CNTN1: variants seen among roughly 807,000 people sequenced by gnomAD.
The protein encoded by CNTN1 is contactin-1.
In CNTN1, 38 loss-of-function variants were observed where a neutral mutation model predicts 126.4. The observed-to-expected ratio is 0.30, with a 90% CI of 0.23 to 0.39. CNTN1 has a LOEUF of 0.39. CNTN1 is among the 10% of genes least tolerant of loss of function. The pLI is 1.00. For missense variants in CNTN1, 1,009 were observed against 1,248.4 expected (o/e 0.81, Z 2.89); for synonymous variants, 413 against 422.6 (o/e 0.98, Z 0.28).
intron 23 of CNTN1, among the ~76,000 whole-genome samples, chr12:41,056,340 CAGCTGGTTA>C (rs1949801165): frequency 6.6e-6 from 1 of 152,112 alleles, no homozygotes; most frequent in South Asian, 2.1e-4. Context: ...CAAAGTCCTA[CAGCTGGTTA>C]AGCTAGGAGC....
chr12:40,929,961 G>A lies in CNTN1; in HGVS notation c.662G>A (p.Ser221Asn), dbSNP rs1945826512. The part of the protein sequence containing the change: ...CFVSSPSITK[S>N]VFSKFIPLIP... Reference sequence around the variant, plus strand: ...GTTTCCAGTCCTTCTATTACAAAGAGCGTGTTCAGCAAATTCATCCCACTC... The same window carrying A: ...GTTTCCAGTCCTTCTATTACAAAGAACGTGTTCAGCAAATTCATCCCACTC... The change falls in exon 7 of 24, where the codon AGC (serine) becomes AAC (asparagine). Residue 221 changes from serine (S) to asparagine (N), a missense_variant. By Grantham distance (46) the Ser-to-Asn change is conservative (BLOSUM62 1). Transcript: ENST00000551295. The A allele has an allele frequency of 6.2e-7, 1 of 1,612,644 alleles. No homozygotes were observed.
intron 23 of CNTN1, among the ~76,000 whole-genome samples, chr12:41,064,787 A>AGATG (rs1315115887): frequency 3.3e-5 from 5 of 151,164 alleles, no homozygotes; most frequent in Non-Finnish European, 7.4e-5. Context: ...ATAGATAGAT[A>AGATG]GATAGATAGA....
At chr12:41,024,986 C>G (rs1251436359) in intron 20 of CNTN1, among the ~76,000 whole-genome samples, 164 bp from the exon 21 acceptor site, 1 of 151,876 alleles carries the variant, frequency 6.6e-6, no homozygotes, top group African/African-American at 2.4e-5. Context: ...GCCCTGTATG[C>G]TTTACTATAT....
chr12:40,893,960 C>A (rs1370981045), intron 1 of CNTN1, among the ~76,000 whole-genome samples: 4 of 152,084 alleles, frequency 2.6e-5, no homozygotes, highest in African/African-American at 7.2e-5. Context: ...CATCAAAACT[C>A]AAGTTCCCCT....
chr12:40,857,216 A>T lies in CNTN1; in HGVS notation c.-76-51141A>T, dbSNP rs1942943289. On this transcript the variant is annotated intron_variant, in intron 1 of 23. Coordinates refer to ENST00000551295, the MANE Select transcript of CNTN1 (RefSeq NM_001843.4). Reference sequence around the variant, plus strand: ...TGATGCTGAAGGTTGGTGCTGGTAGACTTAGAGTCAATTTTAATAACAAAT... The same window carrying T: ...TGATGCTGAAGGTTGGTGCTGGTAGTCTTAGAGTCAATTTTAATAACAAAT... Among the ~76,000 whole-genome samples, 6 of 151,868 alleles carry T rather than the reference A, an allele frequency of 4.0e-5. No homozygotes were observed. In the South Asian group the frequency reaches 1.3e-3, roughly 32 times the overall value.
In CNTN1 at chr12:40,993,173, C is replaced by T. The variant is rs1259824401; in HGVS notation, c.2017C>T (p.Pro673Ser). Residue 673 changes from proline to serine, a missense_variant, in exon 17 of 24, where the codon CCA becomes TCA. Transcript: ENST00000551295. Reference protein sequence around the residue: ...MEAARAVDLIPWMEYEFRVVA... With the variant: ...MEAARAVDLISWMEYEFRVVA... ...GGCAGCAAGAGCAGTGGACTTAATC[C>T]CATGGATGGAGTATGAATTCCGCGT... is the stretch of plus-strand genomic sequence containing the variant. 3 of 1,613,604 alleles carry T rather than the reference C, an allele frequency of 1.9e-6. No individual in the cohort carries two copies. The highest frequency in any genetic ancestry group is 2.5e-6 in the Non-Finnish European group (3 of 1,179,624).
intron 1 of CNTN1, among the ~76,000 whole-genome samples, chr12:40,902,533 C>T (rs1401565909): frequency 1.3e-5 from 2 of 151,964 alleles, no homozygotes; most frequent in Non-Finnish European, 2.9e-5. Context: ...AATAGAGGTA[C>T]AATTTATGGA....
intron 1 of CNTN1, among the ~76,000 whole-genome samples, chr12:40,742,834 T>G (rs977245503): frequency 6.6e-6 from 1 of 152,036 alleles, no homozygotes; most frequent in Non-Finnish European, 1.5e-5. Context: ...AGGCACTGAG[T>G]GAAGCATTAG....
At chr12:40,940,810 T>C (rs950911837) in intron 12 of CNTN1, among the ~76,000 whole-genome samples, 1 of 152,128 alleles carries the variant, frequency 6.6e-6, no homozygotes, top group Non-Finnish European at 1.5e-5. Flanking sequence ...AAAATGATAC[T>C]ACAAGAAGGG....
chr12:40,948,967 G>A (rs1292098978), intron 14 of CNTN1, among the ~76,000 whole-genome samples: 1 of 152,140 alleles, frequency 6.6e-6, no homozygotes, highest in Non-Finnish European at 1.5e-5. Flanking sequence ...ATGTGGGTGT[G>A]CATTTTTTCT....
chr12:40,698,229 T>A (rs35252624), intron 1 of CNTN1, among the ~76,000 whole-genome samples: 3 of 4,792 alleles, frequency 6.3e-4, no homozygotes, highest in Non-Finnish European at 5.6e-4. Flanking sequence ...AGCCACTTAA[T>A]TTTTTTTTTT....
At chr12:40,772,359 A>C (rs1000899620) in intron 1 of CNTN1, among the ~76,000 whole-genome samples, 1 of 152,014 alleles carries the variant, frequency 6.6e-6, no homozygotes, top group Non-Finnish European at 1.5e-5. Context: ...TCACAATGTA[A>C]TAGATGACTT....
chr12:40,708,733 C>T (rs1015175379), intron 1 of CNTN1, among the ~76,000 whole-genome samples: 1 of 152,194 alleles, frequency 6.6e-6, no homozygotes, highest in South Asian at 2.1e-4. Context: ...GCCATTTCAA[C>T]AATGTTCACA....
At chr12:40,990,151 A>G (rs1948065301) in intron 16 of CNTN1, among the ~76,000 whole-genome samples, 1 of 152,212 alleles carries the variant, frequency 6.6e-6, no homozygotes, top group East Asian at 1.9e-4. Context: ...CTACCAAAAC[A>G]TGTTTGTTTT....
intron 11 of CNTN1, among the ~76,000 whole-genome samples, chr12:40,938,182 G>A (rs1946148524): frequency 6.6e-6 from 1 of 152,172 alleles, no homozygotes; most frequent in Non-Finnish European, 1.5e-5. Flanking sequence ...AGAGGAGAGT[G>A]AGCAGTGGAT....
intron 1 of CNTN1, among the ~76,000 whole-genome samples, chr12:40,829,888 C>A (rs2136546106): frequency 6.6e-6 from 1 of 152,110 alleles, no homozygotes; most frequent in East Asian, 1.9e-4. Flanking sequence ...TGGAGGGGGG[C>A]AGAAACTTAA....
At chr12:40,786,385 G>A (rs1940019406) in intron 1 of CNTN1, among the ~76,000 whole-genome samples, 2 of 152,108 alleles carry the variant, frequency 1.3e-5, no homozygotes, top group Admixed American at 6.6e-5. Context: ...AGTGTTTCTG[G>A]TGATATGAAA....
chr12:40,812,497 G>A (rs1941102420), intron 1 of CNTN1, among the ~76,000 whole-genome samples: 1 of 152,046 alleles, frequency 6.6e-6, no homozygotes, highest in Admixed American at 6.6e-5. Context: ...TGTTGAAAAT[G>A]GGGTATTGAA....
intron 23 of CNTN1, among the ~76,000 whole-genome samples, chr12:41,069,378 C>A (rs1216508338): frequency 6.6e-6 from 1 of 152,048 alleles, no homozygotes; most frequent in East Asian, 1.9e-4. Context: ...ACCTAGCATA[C>A]CTATGTTGTC....
Sources: gnomAD v4.1 joint callset for allele counts (sites outside exome capture counted in the v4.1 genomes callset) on GRCh38, gnomAD v4.1.1 for gene constraint, MANE v1.5 for transcripts, NCBI Gene and HGNC (gene_info 2026-07-23, HGNC 2026-07-21) for gene names.